Variants in SNTB2 observed in about 807,000 individuals in gnomAD.
The protein encoded by SNTB2 is beta-2-syntrophin.
Under a neutral mutation model 46.2 loss-of-function variants are expected in SNTB2, and 34 were observed. The ratio of observed to expected loss-of-function variants is 0.74; its 90% CI spans 0.56 to 0.98. The LOEUF is 0.98. SNTB2 is among the 50% of genes least tolerant of loss of function. The probability of loss-of-function intolerance (pLI) is 0.00; values close to 1 mark genes in which losing one functional copy is unlikely to be tolerated. For missense variants in SNTB2, 603 were observed against 731.4 expected (o/e 0.82, Z 2.02); for synonymous variants, 290 against 312.6 (o/e 0.93, Z 0.76).
At chr16:69,290,949 G>C (rs578235118) in intron 5 of SNTB2, among the ~76,000 whole-genome samples, 3 of 152,310 alleles carry the variant, frequency 2.0e-5, no homozygotes, top group Non-Finnish European at 4.4e-5. Context: ...TACAATATCA[G>C]TCTAATTTGT....
At chr16:69,206,332 CATT>C (rs1964218806) in intron 1 of SNTB2, among the ~76,000 whole-genome samples, 1 of 151,996 alleles carries the variant, frequency 6.6e-6, no homozygotes, top group African/African-American at 2.4e-5. Flanking sequence ...GTTTAGCGAT[CATT>C]ATTACTCTTC....
chr16:69,296,045 C>T (rs535395858), intron 5 of SNTB2, among the ~76,000 whole-genome samples: 33 of 152,116 alleles, frequency 2.2e-4, no homozygotes, highest in Admixed American at 4.6e-4. Flanking sequence ...TTTAGGAGGC[C>T]GAGGCGGGTG....
At chr16:69,289,878 C>T (rs1248182930) in intron 5 of SNTB2, among the ~76,000 whole-genome samples, 1 of 152,082 alleles carries the variant, frequency 6.6e-6, no homozygotes, top group Non-Finnish European at 1.5e-5. Context: ...GCTATGATTA[C>T]GTCACTGCAC....
intron 1 of SNTB2, among the ~76,000 whole-genome samples, chr16:69,243,745 C>G (rs1307844277): frequency 6.6e-6 from 1 of 152,112 alleles, no homozygotes; most frequent in Non-Finnish European, 1.5e-5. Context: ...AAGGGTTATA[C>G]TGACTGCACT....
intron 4 of SNTB2, among the ~76,000 whole-genome samples, chr16:69,281,324 C>G (rs775634774): frequency 6.6e-6 from 1 of 151,674 alleles, no homozygotes; most frequent in African/African-American, 2.4e-5. Context: ...CTCCGCCTCT[C>G]AGGTTCAAGC....
chr16:69,225,612 TA>T (rs1262483068), intron 1 of SNTB2, among the ~76,000 whole-genome samples: 7 of 152,264 alleles, frequency 4.6e-5, no homozygotes. Flanking sequence ...TGCCTTATTA[TA>T]ATTTCTACTT....
chr16:69,188,141 TA>T (rs568605215), intron 1 of SNTB2, among the ~76,000 whole-genome samples: 6,818 of 140,292 alleles, frequency 0.049, 184 homozygotes, highest in South Asian at 0.081. Flanking sequence ...GCGGGTCTAT[TA>T]AAAAAAAAAA....
intron 5 of SNTB2, among the ~76,000 whole-genome samples, chr16:69,299,088 G>A (rs891149672): frequency 2.0e-5 from 3 of 151,976 alleles, no homozygotes; most frequent in African/African-American, 4.8e-5. Context: ...TCGAACAGAT[G>A]TCAAGGAGTG....
rs1361077108 is a variant in SNTB2, at chr16:69,205,203, G to T, written c.580+17457G>T. On this transcript the variant is annotated intron_variant, in intron 1 of 6. Transcript: ENST00000336278. ...CTTGCTCTGTCACCCAGGCTGGAGTGCAGTGGTGCGATCTCAGCTTACTGC... is the reference window on the plus strand; with the variant it reads ...CTTGCTCTGTCACCCAGGCTGGAGTTCAGTGGTGCGATCTCAGCTTACTGC... Among the ~76,000 whole-genome samples the T allele has an allele frequency of 4.0e-5, 6 of 149,956 alleles. No individual in the cohort carries two copies. The East Asian group carries it at 9.7e-4, about 24-fold the overall frequency.
In SNTB2 at chr16:69,308,583, T is replaced by C. The variant is rs948482101; in HGVS notation, c.*7659T>C. 1 of 152,208 alleles carries C rather than the reference T, an allele frequency of 6.6e-6. No individual in the cohort carries two copies. Among genetic ancestry groups the C allele is most frequent in the Admixed American group, 6.5e-5 (1 of 15,276 alleles). 9.4% of individuals were successfully genotyped at this position (152,208 alleles called of 1,614,324 possible). On this transcript the variant is annotated 3_prime_UTR_variant, in exon 7 of 7. Coordinates refer to ENST00000336278, the MANE Select transcript of SNTB2 (RefSeq NM_006750.4). ...GAAGATAATGTAGAAAACCACTACC[T>C]ATTGAAGGCCTGTTTTGGCTAATCT... is the stretch of plus-strand genomic sequence containing the variant.
At chr16:69,213,306 C>A (rs1463649769) in intron 1 of SNTB2, among the ~76,000 whole-genome samples, 2 of 152,008 alleles carry the variant, frequency 1.3e-5, no homozygotes, top group African/African-American at 4.8e-5. Context: ...ATATTGGCTT[C>A]TTGAATAAAA....
chr16:69,231,261 G>A (rs570892038), intron 1 of SNTB2: 1 of 152,208 alleles, frequency 6.6e-6, no homozygotes, highest in South Asian at 2.1e-4. Context: ...GCTTTTTAGG[G>A]GAGAGAAGTA....
intron 1 of SNTB2, among the ~76,000 whole-genome samples, chr16:69,217,955 T>C (rs1432993054): frequency 1.3e-5 from 2 of 152,226 alleles, no homozygotes; most frequent in Non-Finnish European, 2.9e-5. Flanking sequence ...AATTCTGTTA[T>C]CTATTGTCTT....
intron 4 of SNTB2, among the ~76,000 whole-genome samples, chr16:69,281,791 G>T (rs1965050596): frequency 6.6e-6 from 1 of 151,382 alleles, no homozygotes; most frequent in Non-Finnish European, 1.5e-5. Context: ...TGCAGTGAGC[G>T]GAAATCATGC....
rs773720363 is a variant in SNTB2 at position 69,260,268 on chromosome 16, G to A, written c.1005+8G>A. On this transcript the variant is annotated splice_region_variant and intron_variant, in intron 3 of 6. Coordinates refer to ENST00000336278, the MANE Select transcript of SNTB2 (RefSeq NM_006750.4). ...GCCTGGCTGGCAGAACAGGTAGGCTGGGAGGCAGGGCAGAGTATCACCTGG... is the reference window on the plus strand; with the variant it reads ...GCCTGGCTGGCAGAACAGGTAGGCTAGGAGGCAGGGCAGAGTATCACCTGG... 1.2e-6 allele frequency: 2 copies of A among 1,613,468 alleles called. No homozygotes were observed. The highest frequency in any genetic ancestry group is 1.7e-6 in the Non-Finnish European group (2 of 1,179,646).
At chr16:69,237,603 C>CTTTTTTTTTTTT (rs397706857) in intron 1 of SNTB2, among the ~76,000 whole-genome samples, 5 of 118,764 alleles carry the variant, frequency 4.2e-5, no homozygotes, top group East Asian at 2.2e-4. Flanking sequence ...TTCTTTCTTT[C>CTTTTTTTTTTTT]TTTTTTTTTT....
At chr16:69,270,004 T>G in intron 3 of SNTB2, 139 bp from the exon 4 acceptor site, 1 of 908,026 alleles carries the variant, frequency 1.1e-6, no homozygotes, top group Non-Finnish European at 1.8e-6. Flanking sequence ...GTAAACTTGG[T>G]GAGATGTTTC....
At chr16:69,203,032 T>G (rs1053452716) in intron 1 of SNTB2, among the ~76,000 whole-genome samples, 4 of 152,048 alleles carry the variant, frequency 2.6e-5, no homozygotes, top group Non-Finnish European at 1.5e-5. Context: ...TTTTCTTTTT[T>G]TTTGAGACAG....
chr16:69,222,330 T>C (rs1964413027), intron 1 of SNTB2, among the ~76,000 whole-genome samples: 2 of 152,198 alleles, frequency 1.3e-5, no homozygotes, highest in Non-Finnish European at 2.9e-5. Context: ...CGGTGACTCA[T>C]GCCTGGAATT....
Sources: allele counts gnomAD v4.1 joint callset (sites outside exome capture counted in the v4.1 genomes callset), GRCh38; gene constraint gnomAD v4.1.1; transcripts MANE v1.5; gene names NCBI Gene and HGNC (gene_info 2026-07-23, HGNC 2026-07-21).